EEFSEC: variants seen among roughly 807,000 people sequenced by gnomAD.
EEFSEC encodes eukaryotic elongation factor, selenocysteine-tRNA specific, also known as selenocysteine-specific elongation factor.
A neutral mutation model predicts 42.1 loss-of-function variants in EEFSEC; 43 were observed. The observed-to-expected ratio is 1.02, with a 90% confidence interval of 0.80 to 1.32. The LOEUF is 1.32. Ranked by LOEUF, EEFSEC falls within the 40% of genes most tolerant of loss-of-function variation. The pLI is 0.00. For synonymous variants in EEFSEC, 354 were observed against 339.1 expected (o/e 1.04, Z -0.48); for missense variants, 745 against 803.6 (o/e 0.93, Z 0.88).
intron 6 of EEFSEC, among the ~76,000 whole-genome samples, chr3:128,361,389 T>G (rs1329030678): frequency 6.6e-6 from 1 of 152,216 alleles, no homozygotes; most frequent in African/African-American, 2.4e-5. Flanking sequence ...TTATCTAATT[T>G]TATTTTTATG....
At chr3:128,227,521 T>C (rs1172704823) in intron 1 of EEFSEC, among the ~76,000 whole-genome samples, 1 of 152,220 alleles carries the variant, frequency 6.6e-6, no homozygotes, top group Non-Finnish European at 1.5e-5. Context: ...TTGGTTTCTT[T>C]GCTTCAGAGG....
At chr3:128,172,524 C>T (rs2065309436) in intron 1 of EEFSEC, among the ~76,000 whole-genome samples, 1 of 152,182 alleles carries the variant, frequency 6.6e-6, no homozygotes, top group Non-Finnish European at 1.5e-5. Context: ...GTCTCAAACT[C>T]CTGGGCTCAA....
chr3:128,197,954 G>A (rs927404195), intron 1 of EEFSEC, among the ~76,000 whole-genome samples: 6 of 152,162 alleles, frequency 3.9e-5, no homozygotes, highest in Admixed American at 3.3e-4. Flanking sequence ...AAACTGAGCC[G>A]TCTGTCTCTG....
chr3:128,412,692 G>A (rs2068182283), downstream of EEFSEC, among the ~76,000 whole-genome samples: 2 of 152,222 alleles, frequency 1.3e-5, no homozygotes, highest in African/African-American at 2.4e-5. Context: ...AGGCAGCCCA[G>A]ATTAAAAAGA....
downstream of EEFSEC, among the ~76,000 whole-genome samples, chr3:128,411,596 C>T (rs1415269106): frequency 6.6e-6 from 1 of 152,084 alleles, no homozygotes; most frequent in African/African-American, 2.4e-5. Flanking sequence ...CCTGCCTGCC[C>T]ACATGGAGTG....
At chr3:128,307,496 G>T (rs113171385) in intron 4 of EEFSEC, among the ~76,000 whole-genome samples, 31 of 152,330 alleles carry the variant, frequency 2.0e-4, no homozygotes, top group African/African-American at 6.5e-4. Context: ...CTCCCACAGG[G>T]TGCCTGATGA....
chr3:128,176,347 C>T (rs1303850545), intron 1 of EEFSEC, among the ~76,000 whole-genome samples: 1 of 151,866 alleles, frequency 6.6e-6, no homozygotes, highest in Non-Finnish European at 1.5e-5. Flanking sequence ...CTGCGTTGAT[C>T]GGCTGTAAAA....
At chr3:128,178,341 G>A (rs1389072172) in intron 1 of EEFSEC, among the ~76,000 whole-genome samples, 1 of 152,130 alleles carries the variant, frequency 6.6e-6, no homozygotes, top group Non-Finnish European at 1.5e-5. Flanking sequence ...GTTTTGTTAA[G>A]TAACTTGTAT....
intron 3 of EEFSEC, 58 bp downstream of exon 3, chr3:128,262,282 C>T (rs1291626060): frequency 1.4e-6 from 2 of 1,468,214 alleles, no homozygotes; most frequent in East Asian, 4.5e-5. Flanking sequence ...AGGCCAGCCC[C>T]TTTGTGTCCC....
At chr3:128,373,283 C>T (rs1344252052) in intron 6 of EEFSEC, among the ~76,000 whole-genome samples, 2 of 152,190 alleles carry the variant, frequency 1.3e-5, no homozygotes, top group African/African-American at 2.4e-5. Flanking sequence ...CAGGCAGGGA[C>T]GAGTGAGAGA....
At chr3:128,265,589 G>A (rs1401104987) in intron 4 of EEFSEC, among the ~76,000 whole-genome samples, 3 of 152,176 alleles carry the variant, frequency 2.0e-5, no homozygotes, top group Admixed American at 2.0e-4. Flanking sequence ...GGGGTCCAGG[G>A]CAGTTCTCTA....
intron 4 of EEFSEC, among the ~76,000 whole-genome samples, chr3:128,265,283 G>T (rs2066342551): frequency 6.6e-6 from 1 of 152,168 alleles, no homozygotes; most frequent in African/African-American, 2.4e-5. Flanking sequence ...AAGAAATCCA[G>T]GTTGGTTTTG....
At chr3:128,411,228 C>T (rs1162609246), downstream of EEFSEC, among the ~76,000 whole-genome samples, 1 of 152,236 alleles carries the variant, frequency 6.6e-6, no homozygotes, top group Non-Finnish European at 1.5e-5. Context: ...CTGGCTCCCC[C>T]GTCCCCCAGG....
chr3:128,360,427 T>C (rs1428189545), intron 6 of EEFSEC, among the ~76,000 whole-genome samples: 3 of 152,206 alleles, frequency 2.0e-5, no homozygotes, highest in Non-Finnish European at 4.4e-5. Context: ...GGGGCCATAC[T>C]GAGGAGCACT....
chr3:128,163,937 T>TG (rs1286515771), intron 1 of EEFSEC, among the ~76,000 whole-genome samples: 8 of 114,166 alleles, frequency 7.0e-5, no homozygotes, highest in African/African-American at 3.3e-4. Context: ...CATTTTTTTG[T>TG]GAAAAAAAAA....
intron 6 of EEFSEC, among the ~76,000 whole-genome samples, chr3:128,380,579 T>C (rs888185851): frequency 2.0e-5 from 3 of 152,232 alleles, no homozygotes; most frequent in African/African-American, 7.2e-5. Flanking sequence ...CTGAGCAGCC[T>C]GGAGGGTTCG....
chr3:128,384,931 C>T (rs1210213535), intron 6 of EEFSEC, among the ~76,000 whole-genome samples: 1 of 152,150 alleles, frequency 6.6e-6, no homozygotes, highest in Non-Finnish European at 1.5e-5. Flanking sequence ...GGTCCCAGAC[C>T]CCCCAGTTGC....
chr3:128,192,355 A>G (rs1231415005), intron 1 of EEFSEC, among the ~76,000 whole-genome samples: 1 of 152,150 alleles, frequency 6.6e-6, no homozygotes, highest in Non-Finnish European at 1.5e-5. Context: ...GCGTGCTTAG[A>G]GACCATGGTG....
intron 6 of EEFSEC, among the ~76,000 whole-genome samples, chr3:128,394,732 G>A (rs948988147): frequency 6.6e-6 from 1 of 152,098 alleles, no homozygotes; most frequent in African/African-American, 2.4e-5. Flanking sequence ...GGGGCTGTCT[G>A]AGGAGGAGGG....
Sources: allele counts gnomAD v4.1 joint callset (sites outside exome capture counted in the v4.1 genomes callset), GRCh38; gene constraint gnomAD v4.1.1; transcripts MANE v1.5; gene names NCBI Gene and HGNC (gene_info 2026-07-23, HGNC 2026-07-21).